Variants in DYM observed in about 807,000 individuals in gnomAD.
DYM encodes the protein dyggve-Melchior-Clausen syndrome protein.
A neutral mutation model predicts 93.1 loss-of-function variants in DYM; 78 were observed. The observed-to-expected ratio is 0.84, with a 90% CI of 0.70 to 1.01. The LOEUF is 1.01. DYM is among the 50% of genes least tolerant of loss of function. DYM has a pLI of 0.00. For missense variants in DYM, 789 were observed against 845.0 expected, an observed-to-expected ratio of 0.93 and a Z score of 0.82; for synonymous variants, 321 against 319.7, an observed-to-expected ratio of 1.00 and a Z score of -0.04.
intron 1 of DYM, among the ~76,000 whole-genome samples, chr18:49,434,768 C>A (rs983240464): frequency 6.6e-6 from 1 of 151,882 alleles, no homozygotes; most frequent in East Asian, 1.9e-4. Context: ...GGGTTAGATA[C>A]CAGCCTGGGC....
intron 2 of DYM, among the ~76,000 whole-genome samples, chr18:49,400,704 T>C (rs1233931431): frequency 8.0e-6 from 1 of 124,954 alleles, no homozygotes; most frequent in Non-Finnish European, 1.7e-5. Flanking sequence ...AACACACCAA[T>C]TATTTGTTAC....
chr18:49,439,630 A>C (rs1193468406), intron 1 of DYM, among the ~76,000 whole-genome samples: 1 of 152,210 alleles, frequency 6.6e-6, no homozygotes, highest in Non-Finnish European at 1.5e-5. Context: ...AAAGATCTTC[A>C]GACTAAATTC....
In DYM at chr18:49,209,614, C is replaced by A. The variant is rs1287268663; in HGVS notation, c.1562G>T (p.Ser521Ile). 7 of 1,289,732 alleles carry A rather than the reference C, an allele frequency of 5.4e-6. No individual in the cohort carries two copies. Among genetic ancestry groups the A allele is most frequent in the South Asian group, 1.2e-5 (1 of 81,012 alleles). 79.9% of individuals were successfully genotyped at this position (1,289,732 alleles called of 1,614,324 possible). ...STLQHCFSTL[S>I]DNGEELLSLT... The stretch of plus-strand genomic sequence containing the variant: ...AGACAAGAGTTCCTCTCCATTGTCA[C>A]TGAGGGTCGAGAAGCAATGCTGAAG... The change falls in exon 14 of 18, where the codon AGT (serine) becomes ATT (isoleucine). Residue 521 changes from serine to isoleucine, a missense_variant. Physicochemically the swap from Ser to Ile is moderately radical, Grantham distance 142. Transcript: ENST00000675505.
chr18:49,080,089 G>A (rs1430350557), intron 17 of DYM, among the ~76,000 whole-genome samples: 3 of 140,468 alleles, frequency 2.1e-5, no homozygotes, highest in Non-Finnish European at 4.7e-5. Context: ...CCTCCCGGAC[G>A]GGGCGGCTGG....
At chr18:49,080,550 G>C (rs1160942539) in intron 17 of DYM, among the ~76,000 whole-genome samples, 1 of 130,336 alleles carries the variant, frequency 7.7e-6, no homozygotes, top group Admixed American at 7.5e-5. Context: ...GGGCAGAGGC[G>C]CCCCTCACCT....
rs554842250 is a variant in DYM at position 49,150,500 on chromosome 18, C to T, written c.1728+13185G>A. On this transcript the variant is annotated intron_variant, in intron 15 of 17. Coordinates refer to ENST00000675505, the MANE Select transcript of DYM (RefSeq NM_001353214.3). The stretch of plus-strand genomic sequence containing the variant: ...ATGTGAGCACACATTGAGAAGGTGG[C>T]TGTCTGGAAGCCAAGAAGAGGGGCC... Among the ~76,000 whole-genome samples the T allele has an allele frequency of 2.0e-5, 3 of 152,328 alleles. No individual in the cohort carries two copies. In the East Asian group the frequency reaches 5.8e-4, roughly 29 times the overall value.
chr18:49,284,817 G>A (rs2095083123), intron 9 of DYM, among the ~76,000 whole-genome samples: 1 of 152,098 alleles, frequency 6.6e-6, no homozygotes. Context: ...TTGTAAAATT[G>A]TTATTAATTC....
Position 49,282,026 on chromosome 18 carries a change from T to C in DYM, c.1096A>G (p.Met366Val), listed in dbSNP as rs2094994501. The change falls in exon 10 of 18, where the codon ATG becomes GTG. Residue 366 changes from methionine (M) to valine (V), a missense_variant. Around this residue, in one of 3 missense-constraint regions of DYM, gnomAD observed 450 missense variants for 436.2 expected, o/e 1.03. Transcript: ENST00000675505. ...TTTTCCATATCTGTGCGAGCCAACATGTATGTTCTAATATTACTATTTTGA... is the reference window on the plus strand; with the variant it reads ...TTTTCCATATCTGTGCGAGCCAACACGTATGTTCTAATATTACTATTTTGA... ...LHQNSNIRTYMLARTDMENLV... is the reference protein window; with the variant it reads ...LHQNSNIRTYVLARTDMENLV... 1.1e-5 allele frequency: 18 copies of C among 1,613,978 alleles called. No homozygotes were observed. Among genetic ancestry groups the C allele is most frequent in the South Asian group, 5.5e-5 (5 of 91,072 alleles).
chr18:49,424,109 G>C (rs2074019138), intron 2 of DYM, among the ~76,000 whole-genome samples: 1 of 152,156 alleles, frequency 6.6e-6, no homozygotes, highest in Non-Finnish European at 1.5e-5. Flanking sequence ...GACAATTTTA[G>C]ACCAATATCC....
At chr18:49,258,761 T>C (rs1432862114) in intron 11 of DYM, among the ~76,000 whole-genome samples, 1 of 148,586 alleles carries the variant, frequency 6.7e-6, no homozygotes, top group Non-Finnish European at 1.5e-5. Context: ...CCACTGTAGA[T>C]TTGTAACCTA....
rs1202706311 is a variant in DYM at position 49,275,336 on chromosome 18, C to A, written c.1126-3033G>T. ...AACTCCATTGATGTATTATGTCTAT[C>A]CTTGTGCCAGTACCACACTGTATTG... On this transcript the variant is annotated intron_variant, in intron 10 of 17. Transcript: ENST00000675505. 2.0e-5 allele frequency among the ~76,000 whole-genome samples: 3 copies of A among 152,252 alleles called. No homozygotes were observed. In the East Asian group the frequency reaches 5.8e-4, roughly 29 times the overall value.
chr18:49,341,753 T>C (rs2064171740), intron 6 of DYM, among the ~76,000 whole-genome samples: 1 of 152,174 alleles, frequency 6.6e-6, no homozygotes, highest in Non-Finnish European at 1.5e-5. Context: ...GACCATGAGT[T>C]TGGGGAAGTC....
chr18:49,276,327 A>G (rs1477498465), intron 10 of DYM, among the ~76,000 whole-genome samples: 1 of 151,978 alleles, frequency 6.6e-6, no homozygotes, highest in African/African-American at 2.4e-5. Context: ...TATTTAAATA[A>G]TCATATGATT....
At chr18:49,199,815 A>G (rs958899066) in intron 14 of DYM, among the ~76,000 whole-genome samples, 4 of 152,224 alleles carry the variant, frequency 2.6e-5, no homozygotes, top group Non-Finnish European at 4.4e-5. Context: ...TGAAGATGCA[A>G]TCCTTTGAAA....
At chr18:49,266,274 CT>C (rs1429332544) in intron 11 of DYM, among the ~76,000 whole-genome samples, 3 of 152,108 alleles carry the variant, frequency 2.0e-5, no homozygotes, top group Non-Finnish European at 2.9e-5. Flanking sequence ...AACATCTTAG[CT>C]TTCCAAAATC....
At chr18:49,453,460 G>C (rs1215460971) in intron 1 of DYM, among the ~76,000 whole-genome samples, 1 of 152,188 alleles carries the variant, frequency 6.6e-6, no homozygotes, top group Non-Finnish European at 1.5e-5. Context: ...AAGGTCTGCA[G>C]CTTCACTCCT....
intron 16 of DYM, among the ~76,000 whole-genome samples, chr18:49,108,227 G>A (rs1174763790): frequency 1.3e-5 from 2 of 152,200 alleles, no homozygotes; most frequent in South Asian, 2.1e-4. Context: ...ATAATCTCCT[G>A]GTGTGCCATT....
chr18:49,258,576 A>T, intron 11 of DYM, 83 bp from the exon 12 acceptor site: 1 of 885,320 alleles, frequency 1.1e-6, no homozygotes. Flanking sequence ...TTTTTGATAA[A>T]CGATGACTTT....
At chr18:49,318,640 G>A (rs2062198586) in intron 8 of DYM, among the ~76,000 whole-genome samples, 1 of 151,840 alleles carries the variant, frequency 6.6e-6, no homozygotes, top group Non-Finnish European at 1.5e-5. Context: ...AAGAGAGAGA[G>A]AGAGAGAAAG....
Sources: allele counts gnomAD v4.1 joint callset (sites outside exome capture counted in the v4.1 genomes callset), GRCh38; gene constraint gnomAD v4.1.1; regional missense constraint gnomAD v4.1.1; transcripts MANE v1.5; gene names NCBI Gene and HGNC (gene_info 2026-07-23, HGNC 2026-07-21).